The following MAP4 variants were observed in gnomAD, a reference collection of about 807,000 sequenced individuals.
MAP4 encodes microtubule associated protein 4, also known as microtubule-associated protein 4.
In MAP4, 76 loss-of-function variants were observed where a neutral mutation model predicts 170.2. The ratio of observed to expected loss-of-function variants is 0.45; its 90% confidence interval spans 0.37 to 0.54. The LOEUF is 0.54. Among genes scored for constraint, MAP4 ranks in the 20% least tolerant of loss-of-function variants. The pLI, the probability that MAP4 is intolerant of heterozygous loss-of-function variation, is 0.00. For synonymous variants in MAP4, 909 were observed against 994.5 expected, an observed-to-expected ratio of 0.91 and a Z score of 1.62; for missense variants, 2,506 against 2,748.0, an observed-to-expected ratio of 0.91 and a Z score of 1.97.
At chr3:47,967,241 C>G (rs1312256539) in intron 3 of MAP4, among the ~76,000 whole-genome samples, 10 of 152,146 alleles carry the variant, frequency 6.6e-5, no homozygotes, top group Admixed American at 4.6e-4. Flanking sequence ...AAGGCTGAGG[C>G]AGGAGAATTG....
chr3:48,028,031 C>T (rs990926115), intron 1 of MAP4, among the ~76,000 whole-genome samples: 1 of 152,196 alleles, frequency 6.6e-6, no homozygotes, highest in African/African-American at 2.4e-5. Flanking sequence ...GTGGCTCACG[C>T]CTGTAATCCC....
chr3:47,958,322 G>GC (rs1407187415), intron 3 of MAP4, among the ~76,000 whole-genome samples: 1 of 152,218 alleles, frequency 6.6e-6, no homozygotes, highest in African/African-American at 2.4e-5. Context: ...ACCTCAACCA[G>GC]CTGAGGTTCG....
chr3:47,921,670 C>A (rs1383349865), intron 5 of MAP4, 95 bp downstream of exon 5: 3 of 680,444 alleles, frequency 4.4e-6, no homozygotes, highest in South Asian at 1.8e-5. Context: ...TCTTGTTAAT[C>A]TTTTGTCACA....
chr3:47,913,406 G>A (rs1324536467), intron 8 of MAP4, among the ~76,000 whole-genome samples: 1 of 151,978 alleles, frequency 6.6e-6, no homozygotes, highest in Non-Finnish European at 1.5e-5. Context: ...TTATTGCATC[G>A]CTCAAAAAAT....
At chr3:47,974,644 A>T (rs1444255644) in intron 3 of MAP4, 1 of 942,470 alleles carries the variant, frequency 1.1e-6, no homozygotes, top group Admixed American at 6.2e-5. Flanking sequence ...CAATCAAAGC[A>T]TACCATTGTA....
Position 47,871,991 on chromosome 3 carries a change from G to A in MAP4, c.5867C>T (p.Thr1956Ile). 2 of 1,614,122 alleles carry A rather than the reference G, an allele frequency of 1.2e-6. No homozygotes were observed. The highest frequency in any genetic ancestry group is 1.7e-6 in the Non-Finnish European group (2 of 1,180,006). Residue 1956 changes from threonine to isoleucine, a missense_variant, in exon 13 of 21, where the codon ACA becomes ATA. By Grantham distance (89) the Thr-to-Ile change is moderately conservative (BLOSUM62 -1). Transcript: ENST00000683076. ...AGTTGAGGCAACAGCAGCAGCTGTTGTGGTTTTTGCAACAGTCTGAGTGCT... is the reference window on the plus strand; with the variant it reads ...AGTTGAGGCAACAGCAGCAGCTGTTATGGTTTTTGCAACAGTCTGAGTGCT... ...SKSTQTVAKT[T>I]TAAAVASTGP...
At chr3:47,946,711 T>C (rs911110160) in intron 3 of MAP4, among the ~76,000 whole-genome samples, 6 of 121,940 alleles carry the variant, frequency 4.9e-5, no homozygotes, top group Admixed American at 8.2e-5. Context: ...GTCAGGATAA[T>C]AGACATAATA....
chr3:47,870,759 G>A, intron 15 of MAP4, 54 bp downstream of exon 15: 1 of 1,487,522 alleles, frequency 6.7e-7, no homozygotes, highest in Non-Finnish European at 9.0e-7. Context: ...GGGTGGAAAT[G>A]GAGGGGAAGA....
At position 47,891,710 on chromosome 3, in the gene MAP4, T is replaced by A. The variant is rs910698479; in HGVS notation, c.5434+11240A>T. The stretch of plus-strand genomic sequence containing the variant: ...GATGTGACAGCTTGCATTCAAATGT[T>A]CCTGGGTGAACACCATAGTGATTGG... On this transcript the variant is annotated intron_variant, in intron 10 of 20. Coordinates refer to ENST00000683076, the MANE Select transcript of MAP4 (RefSeq NM_001385682.1). The A allele has an allele frequency of 1.8e-5, 27 of 1,536,548 alleles. No homozygotes were observed. In the African/African-American group the frequency reaches 3.3e-4, roughly 19 times the overall value.
chr3:48,014,670 G>C, intron 1 of MAP4, among the ~76,000 whole-genome samples: 1 of 150,988 alleles, frequency 6.6e-6, no homozygotes, highest in Middle Eastern at 3.2e-3. Flanking sequence ...AAAAAAAAAA[G>C]CAAGAACAGA....
chr3:47,937,317 C>T (rs190441701), intron 3 of MAP4, among the ~76,000 whole-genome samples: 10 of 152,110 alleles, frequency 6.6e-5, no homozygotes, highest in South Asian at 4.1e-4. Flanking sequence ...AGAAAAATGA[C>T]GATGAATTAA....
intron 10 of MAP4, among the ~76,000 whole-genome samples, chr3:47,890,216 G>A (rs376279341): frequency 7.9e-5 from 12 of 152,072 alleles, no homozygotes; most frequent in Non-Finnish European, 1.5e-4. Context: ...TAAGAGCTGT[G>A]GGGGGATGGG....
chr3:47,884,164 GTTTTTTCCTTGTAGACCA>G (rs1178681238), intron 10 of MAP4, among the ~76,000 whole-genome samples: 1 of 152,146 alleles, frequency 6.6e-6, no homozygotes, highest in Admixed American at 6.5e-5. Flanking sequence ...CTGAAGATAT[GTTTTTTCCTTGTAGACCA>G]TTTTTTCGTC....
chr3:47,862,592 G>A (rs1283753289), intron 17 of MAP4, among the ~76,000 whole-genome samples: 2 of 151,500 alleles, frequency 1.3e-5, no homozygotes, highest in Non-Finnish European at 1.5e-5. Flanking sequence ...ATTCTCCTGC[G>A]TCAGCCTCCT....
At chr3:48,085,467 T>C (rs78674049) in intron 1 of MAP4, among the ~76,000 whole-genome samples, 335 of 152,298 alleles carry the variant, frequency 2.2e-3, no homozygotes, top group African/African-American at 7.8e-3. Context: ...TTTGTAAATT[T>C]GAAAATTTTA....
At chr3:48,082,653 T>A (rs2100147169) in intron 1 of MAP4, among the ~76,000 whole-genome samples, 1 of 151,632 alleles carries the variant, frequency 6.6e-6, no homozygotes, top group Non-Finnish European at 1.5e-5. Context: ...AATACAAAAA[T>A]TAGGTGTGGT....
intron 11 of MAP4, 39 bp from the exon 12 acceptor site, chr3:47,875,939 T>G: frequency 7.1e-7 from 1 of 1,404,320 alleles, no homozygotes; most frequent in Non-Finnish European, 9.9e-7. Context: ...TTTTTATTTT[T>G]TAAAGGGCAA....
intron 9 of MAP4, among the ~76,000 whole-genome samples, chr3:47,906,345 T>C (rs1213967039): frequency 6.6e-6 from 1 of 152,104 alleles, no homozygotes; most frequent in Non-Finnish European, 1.5e-5. Context: ...ATGTACCATA[T>C]TTCTAATGAA....
intron 3 of MAP4, among the ~76,000 whole-genome samples, chr3:47,928,622 C>A (rs2100047527): frequency 6.6e-6 from 1 of 152,048 alleles, no homozygotes. Flanking sequence ...CTGTGAACAG[C>A]TACTGCACTC....
Sources: gnomAD v4.1 joint callset for allele counts (sites outside exome capture counted in the v4.1 genomes callset) on GRCh38, gnomAD v4.1.1 for gene constraint, MANE v1.5 for transcripts, NCBI Gene and HGNC (gene_info 2026-07-23, HGNC 2026-07-21) for gene names.